Variants in EDC4 observed in about 807,000 individuals in gnomAD.
EDC4 encodes the protein enhancer of mRNA decapping 4, also known as enhancer of mRNA-decapping protein 4.
EDC4 carries 64 observed loss-of-function variants against 155.8 expected under a neutral mutation model. That is an observed-to-expected ratio of 0.41 (90% CI 0.34 to 0.51). The LOEUF (loss-of-function observed/expected upper bound fraction) is 0.51. Ranked by LOEUF, EDC4 falls within the 20% of genes least tolerant of loss-of-function variation. EDC4 has a pLI of 0.19. For missense variants in EDC4, 1,303 were observed against 1,812.5 expected (o/e 0.72, Z 5.10); for synonymous variants, 684 against 716.8 (o/e 0.95, Z 0.73).
chr16:67,882,684 C>A lies in EDC4; in HGVS notation c.3448C>A (p.Gln1150Lys). The A allele has an allele frequency of 6.2e-7, 1 of 1,614,254 alleles. No homozygotes were observed. Among genetic ancestry groups the A allele is most frequent in the Non-Finnish European group, 8.5e-7 (1 of 1,180,052 alleles). The change falls in exon 26 of 29, where the codon CAG (glutamine) becomes AAG (lysine). Residue 1150 changes from glutamine (Q) to lysine (K), a missense_variant. Around this residue, in one of 5 missense-constraint regions of EDC4, gnomAD observed 527 missense variants for 757.0 expected, o/e 0.70. Coordinates refer to ENST00000358933, the MANE Select transcript of EDC4 (RefSeq NM_014329.5). This position sits in a 1 kb window ranked among gnomAD's most constrained non-coding sequence, Gnocchi z 7.2. ...TCCCTGTGGTCACCCCTCAGACTTGCAGCAGCTAGAAAGCCACATGAAGAG... is the reference window on the plus strand; with the variant it reads ...TCCCTGTGGTCACCCCTCAGACTTGAAGCAGCTAGAAAGCCACATGAAGAG... Reference protein sequence around the residue: ...SFRLGTQEYLQQLESHMKSRK... With the variant: ...SFRLGTQEYLKQLESHMKSRK...
At position 67,881,606 on chromosome 16, in the gene EDC4, C is replaced by T; in HGVS notation, c.2827-62C>T. On this transcript the variant is annotated intron_variant, in intron 21 of 28. Transcript: ENST00000358933. This position sits in a 1 kb window ranked among gnomAD's most constrained non-coding sequence, Gnocchi z 5.4. Reference sequence around the variant, plus strand: ...GGTGGAGAAGGGCTCTGGGCCATTCCCTGGTCTGGTGTGTGGGAATAGGTG... The same window carrying T: ...GGTGGAGAAGGGCTCTGGGCCATTCTCTGGTCTGGTGTGTGGGAATAGGTG... The T allele has an allele frequency of 2.5e-6, 4 of 1,612,528 alleles. No individual in the cohort carries two copies. The Admixed American group carries it at 5.0e-5, about 20-fold the overall frequency.
In EDC4 at chr16:67,884,393, G is replaced by T. The variant is rs1246005636; in HGVS notation, c.*245G>T. On this transcript the variant is annotated 3_prime_UTR_variant, in exon 29 of 29. Coordinates refer to ENST00000358933, the MANE Select transcript of EDC4 (RefSeq NM_014329.5). The surrounding 1 kb of genome is among the most constrained non-coding windows in gnomAD (Gnocchi z 4.1). ...ATGCCTGGAGCATGACCCTGAGATC[G>T]TGACACCACTTGAGTGGAATTTTCC... is the stretch of plus-strand genomic sequence containing the variant. 3 of 549,892 alleles carry T rather than the reference G, an allele frequency of 5.5e-6. No individual in the cohort carries two copies. The highest frequency in any genetic ancestry group is 9.6e-6 in the Non-Finnish European group (3 of 313,654). 34.1% of individuals were successfully genotyped at this position (549,892 alleles called of 1,614,324 possible).
At position 67,880,426 on chromosome 16, in the gene EDC4, G is replaced by GT; in HGVS notation, c.2098-126dup. On this transcript the variant is annotated intron_variant, in intron 17 of 28. Coordinates refer to ENST00000358933, the MANE Select transcript of EDC4 (RefSeq NM_014329.5). The surrounding 1 kb of genome is among the most constrained non-coding windows in gnomAD (Gnocchi z 5.2). ...ACCTCCTCTTCTTGGCTGTGGCCTCGTTTTTGACCTGTATCCCCACTTCCC... is the reference window on the plus strand; with the variant it reads ...ACCTCCTCTTCTTGGCTGTGGCCTCGTTTTTTGACCTGTATCCCCACTTCCC... 7.1e-7 allele frequency: 1 copy of GT among 1,400,022 alleles called. No individual in the cohort carries two copies. Among genetic ancestry groups the GT allele is most frequent in the Non-Finnish European group, 9.7e-7 (1 of 1,030,658 alleles). 86.7% of individuals were successfully genotyped at this position (1,400,022 alleles called of 1,614,324 possible).
At position 67,878,497 on chromosome 16, in the gene EDC4, G is replaced by A. The variant is rs2058051355; in HGVS notation, c.1089-39G>A. The A allele has an allele frequency of 6.2e-7, 1 of 1,614,212 alleles. No individual in the cohort carries two copies. The highest frequency in any genetic ancestry group is 8.5e-7 in the Non-Finnish European group (1 of 1,180,040). ...TGGGCTGGACCATGGCTCCCAGCAG[G>A]GGCCCCAGCCAGTCACTCACTGCCT... On this transcript the variant is annotated intron_variant, in intron 9 of 28. Coordinates refer to ENST00000358933, the MANE Select transcript of EDC4 (RefSeq NM_014329.5). The surrounding 1 kb of genome is among the most constrained non-coding windows in gnomAD (Gnocchi z 5.2).
Position 67,884,266 on chromosome 16 carries a change from G to A in EDC4, c.*118G>A. On this transcript the variant is annotated 3_prime_UTR_variant, in exon 29 of 29. Transcript: ENST00000358933. The surrounding 1 kb of genome is among the most constrained non-coding windows in gnomAD (Gnocchi z 4.1). Reference sequence around the variant, plus strand: ...TCAGGCCCCCATCTCTGGGGTGTTTGGGGGTCAGGGAGCAGGGAGCACTGG... The same window carrying A: ...TCAGGCCCCCATCTCTGGGGTGTTTAGGGGTCAGGGAGCAGGGAGCACTGG... 2 of 996,466 alleles carry A rather than the reference G, an allele frequency of 2.0e-6. No homozygotes were observed. The highest frequency in any genetic ancestry group is 3.3e-5 in the African/African-American group (2 of 61,230). The allele number at this position is 996,466 out of a possible 1,614,324, so 61.7% of individuals were successfully genotyped here.
At position 67,883,846 on chromosome 16, in the gene EDC4, A is replaced by C; in HGVS notation, c.4014-110A>C. The C allele has an allele frequency of 6.5e-7, 1 of 1,537,728 alleles. No individual in the cohort carries two copies. The highest frequency in any genetic ancestry group is 8.8e-7 in the Non-Finnish European group (1 of 1,133,744). ...AATCCTCTCCCTAATTTTCTCCACC[A>C]GTCCTTTCTGCCTTCACCCAGAGGG... On this transcript the variant is annotated intron_variant, in intron 28 of 28. Transcript: ENST00000358933. This position sits in a 1 kb window ranked among gnomAD's most constrained non-coding sequence, Gnocchi z 5.3.
At position 67,877,804 on chromosome 16, in the gene EDC4, C is replaced by T; in HGVS notation, c.853C>T (p.Gln285Ter). ...SHSTWPVDVS[Q>*]IKQGFIVVKG... The stretch of plus-strand genomic sequence containing the variant: ...CAGTACCTGGCCTGTGGATGTTAGC[C>T]AGATCAAGCAGGGCTTCATTGTGGT... Residue 285 changes from glutamine to a stop codon, truncating the protein, a stop_gained, in exon 7 of 29, where the codon CAG becomes TAG. Transcript: ENST00000358933. LOFTEE classifies it high-confidence loss of function. This position sits in a 1 kb window ranked among gnomAD's most constrained non-coding sequence, Gnocchi z 4.9. The T allele has an allele frequency of 6.2e-7, 1 of 1,614,160 alleles. No individual in the cohort carries two copies. The highest frequency in any genetic ancestry group is 1.7e-5 in the Admixed American group (1 of 60,022).
In EDC4 at chr16:67,876,713, G is replaced by A; in HGVS notation, c.351+114G>A. The A allele has an allele frequency of 2.6e-6, 4 of 1,555,084 alleles. No individual in the cohort carries two copies. The highest frequency in any genetic ancestry group is 3.5e-6 in the Non-Finnish European group (4 of 1,148,336). On this transcript the variant is annotated intron_variant, in intron 3 of 28. Transcript: ENST00000358933. The surrounding 1 kb of genome is among the most constrained non-coding windows in gnomAD (Gnocchi z 5.8). ...CCACCTTGACACTTTCCCAGTTTCA[G>A]GAAGCCAGGGCTGGGTGCCAAGCCT...
Position 67,877,151 on chromosome 16 carries a change from C to T in EDC4, c.452-66C>T. ...GGTGGTGGCAGGGAGACAGGTGGGG[C>T]AGCGCTTCTCTGCTACTGCCTGAGC... On this transcript the variant is annotated intron_variant, in intron 4 of 28. Transcript: ENST00000358933. The surrounding 1 kb of genome is among the most constrained non-coding windows in gnomAD (Gnocchi z 4.9). 3.2e-6 allele frequency: 5 copies of T among 1,548,978 alleles called. No individual in the cohort carries two copies. The highest frequency in any genetic ancestry group is 4.4e-6 in the Non-Finnish European group (5 of 1,146,298).
intron 1 of EDC4, among the ~76,000 whole-genome samples, chr16:67,873,944 A>G (rs1168128831): frequency 6.6e-6 from 1 of 152,198 alleles, no homozygotes; most frequent in African/African-American, 2.4e-5. Flanking sequence ...ATTCATTCAT[A>G]TTTCGCTTTG....
Position 67,881,957 on chromosome 16 carries a change from G to A in EDC4, c.3008G>A (p.Arg1003Gln), listed in dbSNP as rs752855669. 6.2e-6 allele frequency: 10 copies of A among 1,606,700 alleles called. No homozygotes were observed. The highest frequency in any genetic ancestry group is 4.4e-5 in the South Asian group (4 of 90,658). ...ALETRHEQEQRRLERALAEGQ... is the reference protein window; with the variant it reads ...ALETRHEQEQQRLERALAEGQ... ...CCGTTCCTTAGCTATGGCGCAGAGC[G>A]GCGGCTGGAGCGAGCACTGGCTGAG... Residue 1003 changes from arginine (R) to glutamine (Q), a missense_variant, in exon 23 of 29, where the codon CGG (arginine) becomes CAG (glutamine). By Grantham distance (43) the Arg-to-Gln change is conservative. Coordinates refer to ENST00000358933, the MANE Select transcript of EDC4 (RefSeq NM_014329.5). The surrounding 1 kb of genome is among the most constrained non-coding windows in gnomAD (Gnocchi z 5.4).
chr16:67,880,799 C>T lies in EDC4; in HGVS notation c.2340C>T (p.Ser780=). ...ASAASALHLL[S]PRPRPGPELG... is the part of the protein sequence containing the mutation. Reference sequence around the variant, plus strand: ...CCGCCTCGGCACTGCACCTGCTGTCCCCACGGCCCCGGCCAGGGCCCGAGC... The same window carrying T: ...CCGCCTCGGCACTGCACCTGCTGTCTCCACGGCCCCGGCCAGGGCCCGAGC... The change falls in exon 18 of 29, where the codon TCC becomes TCT. Residue 780 remains serine, a synonymous_variant. Transcript: ENST00000358933. This position sits in a 1 kb window ranked among gnomAD's most constrained non-coding sequence, Gnocchi z 5.2. 6.2e-7 allele frequency: 1 copy of T among 1,613,978 alleles called. No individual in the cohort carries two copies. The highest frequency in any genetic ancestry group is 1.7e-4 in the Middle Eastern group (1 of 6,060).
rs1325317748 is a variant in EDC4 at position 67,883,190 on chromosome 16, T to C, written c.3849+13T>C. On this transcript the variant is annotated intron_variant, in intron 27 of 28. Transcript: ENST00000358933. This position sits in a 1 kb window ranked among gnomAD's most constrained non-coding sequence, Gnocchi z 5.3. ...GGCCTTCCAGCAGGTACGATAGGCA[T>C]TAGGCCCTGCTAAGGGTCACGTGTC... 6.4e-7 allele frequency: 1 copy of C among 1,554,086 alleles called. No individual in the cohort carries two copies. Among genetic ancestry groups the C allele is most frequent in the Non-Finnish European group, 8.7e-7 (1 of 1,150,376 alleles).
rs1176738210 is a variant in EDC4, at chr16:67,873,217, C to T, written c.-45C>T. ...AGCGAGGGTGCGTGGTGCGCGGCGG[C>T]GGCGGAACGAACGCGGTGCGGGCGG... is the stretch of plus-strand genomic sequence containing the variant. On this transcript the variant is annotated 5_prime_UTR_variant, in exon 1 of 29. Transcript: ENST00000358933. 5.2e-6 allele frequency: 7 copies of T among 1,335,944 alleles called. No homozygotes were observed. Among genetic ancestry groups the T allele is most frequent in the Non-Finnish European group, 6.7e-6 (7 of 1,038,800 alleles). The allele number at this position is 1,335,944 out of a possible 1,614,324, so 82.8% of individuals were successfully genotyped here. A position where few individuals can be genotyped will look rare whatever the true frequency, so the allele number is the denominator to read the frequency against.
chr16:67,883,791 C>T lies in EDC4; in HGVS notation c.4013+60C>T. The T allele has an allele frequency of 6.3e-7, 1 of 1,584,330 alleles. No individual in the cohort carries two copies. The highest frequency in any genetic ancestry group is 8.6e-7 in the Non-Finnish European group (1 of 1,158,182). ...TGGGGAGTGGGGCAGTGGGAGGGAG[C>T]AGTTTGAAGCTGACGCCCACTTCTG... On this transcript the variant is annotated intron_variant, in intron 28 of 28. Coordinates refer to ENST00000358933, the MANE Select transcript of EDC4 (RefSeq NM_014329.5). This position sits in a 1 kb window ranked among gnomAD's most constrained non-coding sequence, Gnocchi z 5.3.
rs1238732662 is a variant in EDC4 at position 67,880,179 on chromosome 16, C to T, written c.2060C>T (p.Ala687Val). Residue 687 changes from alanine (A) to valine (V), a missense_variant, in exon 17 of 29, where the codon GCC becomes GTC. Physicochemically the swap from Ala to Val is moderately conservative, Grantham distance 64 (BLOSUM62 0). Around this residue, in one of 5 missense-constraint regions of EDC4, gnomAD observed 391 missense variants for 445.4 expected, o/e 0.88. Coordinates refer to ENST00000358933, the MANE Select transcript of EDC4 (RefSeq NM_014329.5). The surrounding 1 kb of genome is among the most constrained non-coding windows in gnomAD (Gnocchi z 5.2). ...GGCCTCCTGCCTGGCCTGCTCCCAG[C>T]CCCAGCTGACAAACTGACTCCCAAG... ...PRGLLPGLLP[A>V]PADKLTPKGP... 8 of 1,611,296 alleles carry T rather than the reference C, an allele frequency of 5.0e-6. No individual in the cohort carries two copies. The highest frequency in any genetic ancestry group is 1.3e-5 in the African/African-American group (1 of 74,904).
chr16:67,881,536 A>T lies in EDC4; in HGVS notation c.2826+3A>T. ...GATCCCGGCTCACAGAGCACCAGGT[A>T]AGTGAATGAGCCCACTTTGTACTTG... On this transcript the variant is annotated splice_donor_region_variant and intron_variant, in intron 21 of 28. Transcript: ENST00000358933. The surrounding 1 kb of genome is among the most constrained non-coding windows in gnomAD (Gnocchi z 5.4). 6.2e-7 allele frequency: 1 copy of T among 1,613,818 alleles called. No homozygotes were observed. The highest frequency in any genetic ancestry group is 8.5e-7 in the Non-Finnish European group (1 of 1,180,006).
chr16:67,879,912 C>A lies in EDC4; in HGVS notation c.1884C>A (p.Ser628Arg). 1 of 1,613,874 alleles carries A rather than the reference C, an allele frequency of 6.2e-7. No homozygotes were observed. Residue 628 changes from serine to arginine, a missense_variant, in exon 16 of 29, where the codon AGC becomes AGA. Ser to Arg is a moderately radical substitution (Grantham distance 110, BLOSUM62 -1). Around this residue, in one of 5 missense-constraint regions of EDC4, gnomAD observed 391 missense variants for 445.4 expected, o/e 0.88. Coordinates refer to ENST00000358933, the MANE Select transcript of EDC4 (RefSeq NM_014329.5). This position sits in a 1 kb window ranked among gnomAD's most constrained non-coding sequence, Gnocchi z 6.0. ...GSSSSSSSSS[S>R]SLTAVSAMSS... Reference sequence around the variant, plus strand: ...GCAGCAGCAGCAGCAGTAGCAGCAGCTCCCTTACAGCTGTGTCTGCCATGA... The same window carrying A: ...GCAGCAGCAGCAGCAGTAGCAGCAGATCCCTTACAGCTGTGTCTGCCATGA...
Position 67,877,079 on chromosome 16 carries a change from A to G in EDC4, c.451+107A>G. ...TAGGGGTACAATGGAAGGTTTGTCC[A>G]TGCTGCCTCTTGGGGAGCTGGGTGG... On this transcript the variant is annotated intron_variant, in intron 4 of 28. Transcript: ENST00000358933. This position sits in a 1 kb window ranked among gnomAD's most constrained non-coding sequence, Gnocchi z 4.9. 2 of 1,551,104 alleles carry G rather than the reference A, an allele frequency of 1.3e-6. No homozygotes were observed. The highest frequency in any genetic ancestry group is 1.7e-6 in the Non-Finnish European group (2 of 1,147,522).
Sources: allele counts gnomAD v4.1 joint callset (sites outside exome capture counted in the v4.1 genomes callset), GRCh38; gene constraint gnomAD v4.1.1; regional missense constraint gnomAD v4.1.1; non-coding constraint Gnocchi (gnomAD v3.1); transcripts MANE v1.5; gene names NCBI Gene and HGNC (gene_info 2026-07-23, HGNC 2026-07-21).